TASP1: variants seen among roughly 807,000 people sequenced by gnomAD.
TASP1 encodes the protein taspase 1.
Under a neutral mutation model 56.6 loss-of-function variants are expected in TASP1, and 16 were observed. That is an observed-to-expected ratio of 0.28 (90% CI 0.19 to 0.43). The LOEUF is 0.43. Ranked by LOEUF, TASP1 falls within the 20% of genes least tolerant of loss-of-function variation. The pLI, the probability that TASP1 is intolerant of heterozygous loss-of-function variation, is 1.00. For missense variants in TASP1, 393 were observed against 511.6 expected, an observed-to-expected ratio of 0.77 and a Z score of 2.24; for synonymous variants, 179 against 184.2, an observed-to-expected ratio of 0.97 and a Z score of 0.23.
chr20:13,598,859 T>C (rs981088007), intron 4 of TASP1, among the ~76,000 whole-genome samples: 1 of 152,058 alleles, frequency 6.6e-6, no homozygotes, highest in African/African-American at 2.4e-5. Flanking sequence ...CATCAAAAAG[T>C]AGGCAAAGGA....
chr20:13,435,595 C>T (rs2042973420), intron 11 of TASP1, among the ~76,000 whole-genome samples: 2 of 152,156 alleles, frequency 1.3e-5, no homozygotes, highest in South Asian at 4.1e-4. Flanking sequence ...AAGCCACAAA[C>T]TTTATTATAA....
chr20:13,209,125 T>C, the TASP1 span, among the ~76,000 whole-genome samples: 2 of 152,196 alleles, frequency 1.3e-5, no homozygotes, highest in Admixed American at 6.5e-5. Context: ...AAGTTGTTGT[T>C]CTTTCAGCTT....
At chr20:13,515,770 T>C (rs1212348816) in intron 10 of TASP1, among the ~76,000 whole-genome samples, 2 of 152,054 alleles carry the variant, frequency 1.3e-5, no homozygotes, top group Non-Finnish European at 2.9e-5. Flanking sequence ...TCATGACAGC[T>C]TGCCAGTATC....
chr20:13,364,114 T>G, the TASP1 span, among the ~76,000 whole-genome samples: 1 of 152,152 alleles, frequency 6.6e-6, no homozygotes, highest in South Asian at 2.1e-4. Flanking sequence ...TTAAATGTTA[T>G]CTGTTGTGAT....
chr20:13,258,084 T>C, the TASP1 span, among the ~76,000 whole-genome samples: 1 of 152,088 alleles, frequency 6.6e-6, no homozygotes, highest in African/African-American at 2.4e-5. Flanking sequence ...GAACGGGTGG[T>C]ATTATAGCTG....
the TASP1 span, among the ~76,000 whole-genome samples, chr20:13,114,314 T>C: frequency 6.6e-6 from 1 of 152,242 alleles, no homozygotes; most frequent in Non-Finnish European, 1.5e-5. Flanking sequence ...AAGTATCATT[T>C]TAAAATCACA....
chr20:13,473,967 A>AG (rs1368643698), intron 11 of TASP1, among the ~76,000 whole-genome samples: 1 of 152,156 alleles, frequency 6.6e-6, no homozygotes, highest in Non-Finnish European at 1.5e-5. Context: ...CTAGCTACTT[A>AG]GGAGGCTGAG....
intron 9 of TASP1, among the ~76,000 whole-genome samples, chr20:13,531,709 G>A (rs559762133): frequency 3.3e-5 from 5 of 152,052 alleles, no homozygotes; most frequent in African/African-American, 1.2e-4. Flanking sequence ...TCTCACCCAC[G>A]CTGGAGTGCA....
At chr20:13,582,736 G>C (rs1310541762) in intron 5 of TASP1, among the ~76,000 whole-genome samples, 1 of 152,100 alleles carries the variant, frequency 6.6e-6, no homozygotes, top group Non-Finnish European at 1.5e-5. Flanking sequence ...AGAACACAAA[G>C]GTAAAAGCCT....
At chr20:13,516,224 G>A (rs915489810) in intron 10 of TASP1, among the ~76,000 whole-genome samples, 1 of 152,076 alleles carries the variant, frequency 6.6e-6, no homozygotes, top group Non-Finnish European at 1.5e-5. Context: ...TCTACAGAGG[G>A]AACCAAGGTG....
At chr20:13,280,733 C>A in the TASP1 span, among the ~76,000 whole-genome samples, 1 of 152,204 alleles carries the variant, frequency 6.6e-6, no homozygotes, top group Non-Finnish European at 1.5e-5. Context: ...TACTGAAATT[C>A]TGTTGGGAAG....
chr20:13,231,472 T>C, the TASP1 span, among the ~76,000 whole-genome samples: 1 of 152,122 alleles, frequency 6.6e-6, no homozygotes, highest in Non-Finnish European at 1.5e-5. Context: ...TTTACTATCT[T>C]AGGTGGGAGG....
At chr20:13,505,235 T>G (rs987781304) in intron 10 of TASP1, among the ~76,000 whole-genome samples, 1 of 152,092 alleles carries the variant, frequency 6.6e-6, no homozygotes, top group Non-Finnish European at 1.5e-5. Flanking sequence ...CAATTGTAAA[T>G]ACATATGTAC....
chr20:13,473,245 C>T (rs992272186), intron 11 of TASP1, among the ~76,000 whole-genome samples: 11 of 151,824 alleles, frequency 7.2e-5, no homozygotes, highest in African/African-American at 2.7e-4. Flanking sequence ...GGACAAAAAA[C>T]CAAACACCGC....
At chr20:13,590,369 T>G (rs1277260552) in intron 4 of TASP1, among the ~76,000 whole-genome samples, 2 of 152,198 alleles carry the variant, frequency 1.3e-5, no homozygotes, top group Non-Finnish European at 2.9e-5. Flanking sequence ...GGGAAGGATG[T>G]ACGGACATGC....
intron 8 of TASP1, among the ~76,000 whole-genome samples, chr20:13,548,315 G>C (rs951686615): frequency 6.6e-6 from 1 of 152,122 alleles, no homozygotes; most frequent in African/African-American, 2.4e-5. Context: ...TAGGAAGCTA[G>C]TGCAATCATC....
the TASP1 span, among the ~76,000 whole-genome samples, chr20:13,156,461 G>T: frequency 6.6e-6 from 1 of 152,156 alleles, no homozygotes; most frequent in African/African-American, 2.4e-5. Flanking sequence ...GAATCAAAAA[G>T]AAATTTGATT....
At chr20:13,317,042 C>T in the TASP1 span, among the ~76,000 whole-genome samples, 1 of 151,588 alleles carries the variant, frequency 6.6e-6, no homozygotes, top group African/African-American at 2.4e-5. Flanking sequence ...TGTAAAAAAT[C>T]CAAAACAATC....
the TASP1 span, among the ~76,000 whole-genome samples, chr20:13,245,623 T>A: frequency 8.5e-5 from 13 of 152,148 alleles, no homozygotes; most frequent in African/African-American, 3.1e-4. Context: ...TAGTGATAGT[T>A]CCCCTGCACA....
Sources: gnomAD v4.1 joint callset for allele counts (sites outside exome capture counted in the v4.1 genomes callset) on GRCh38, gnomAD v4.1.1 for gene constraint, MANE v1.5 for transcripts, NCBI Gene and HGNC (gene_info 2026-07-23, HGNC 2026-07-21) for gene names.